NALF1: variants seen among roughly 807,000 people sequenced by gnomAD.
NALF1 encodes the protein NALCN channel auxiliary factor 1.
NALF1 carries 3 observed loss-of-function variants against 48.4 expected under a neutral mutation model. The ratio of observed to expected loss-of-function variants is 0.06; its 90% CI spans 0.03 to 0.16. The LOEUF is 0.16. Ranked by LOEUF, NALF1 falls within the 10% of genes least tolerant of loss-of-function variation. The pLI is 1.00. For missense variants in NALF1, 526 were observed against 571.5 expected (o/e 0.92, Z 0.81); for synonymous variants, 262 against 245.7 (o/e 1.07, Z -0.62).
intron 1 of NALF1, among the ~76,000 whole-genome samples, chr13:107,236,709 CTATCTATCT>C (rs1950620468): frequency 1.3e-5 from 2 of 151,412 alleles, no homozygotes; most frequent in African/African-American, 2.4e-5. Context: ...ATCTATCTAT[CTATCTATCT>C]ATCTATCTAT....
At chr13:107,400,449 T>C (rs9559036) in intron 1 of NALF1, among the ~76,000 whole-genome samples, 7 of 152,046 alleles carry the variant, frequency 4.6e-5, no homozygotes, top group East Asian at 2.0e-4. Context: ...GGCGTGATGG[T>C]TCACACCTGT....
At chr13:107,648,344 CT>C (rs1880364664) in intron 1 of NALF1, among the ~76,000 whole-genome samples, 1 of 152,162 alleles carries the variant, frequency 6.6e-6, no homozygotes, top group South Asian at 2.1e-4. Flanking sequence ...GTCAATCCCT[CT>C]TCTCCCTCCA....
intron 1 of NALF1, among the ~76,000 whole-genome samples, chr13:107,582,576 T>C (rs1336307909): frequency 1.3e-5 from 2 of 152,168 alleles, no homozygotes; most frequent in Non-Finnish European, 1.5e-5. Context: ...TGACTGGCTA[T>C]GGGGTCAGAA....
At chr13:107,470,289 A>C (rs900888175) in intron 1 of NALF1, among the ~76,000 whole-genome samples, 7 of 152,222 alleles carry the variant, frequency 4.6e-5, no homozygotes, top group Non-Finnish European at 8.8e-5. Context: ...GAAAGGATCC[A>C]AACATTCAAT....
chr13:107,480,097 C>G (rs569258308), intron 1 of NALF1, among the ~76,000 whole-genome samples: 1 of 152,138 alleles, frequency 6.6e-6, no homozygotes, highest in Non-Finnish European at 1.5e-5. Context: ...GGATCACTTA[C>G]TCATGATTTG....
chr13:107,586,838 A>G (rs552426450), intron 1 of NALF1, among the ~76,000 whole-genome samples: 2 of 152,054 alleles, frequency 1.3e-5, no homozygotes, highest in African/African-American at 4.8e-5. Context: ...TGAGCATTAA[A>G]GACAAAAAAT....
rs1426882448 is a variant in NALF1, at chr13:107,272,246, C to T, written c.916-61491G>A. Among the ~76,000 whole-genome samples, 8 of 10,880 alleles carry T rather than the reference C, an allele frequency of 7.4e-4. 4 individuals are homozygous for T. In the Admixed American group the frequency reaches 8.1e-3, roughly 11 times the overall value. 7.1% of individuals were successfully genotyped at this position (10,880 alleles called of 152,430 possible). A position where few individuals can be genotyped will look rare whatever the true frequency, so the allele number is the denominator to read the frequency against. On this transcript the variant is annotated intron_variant, in intron 1 of 2. Transcript: ENST00000375915. Reference sequence around the variant, plus strand: ...TTTTTGAGACGGAGTCTCGCTCTGTCGCCCAGGCCGGACTGCGGACTGCAG... The same window carrying T: ...TTTTTGAGACGGAGTCTCGCTCTGTTGCCCAGGCCGGACTGCGGACTGCAG...
chr13:107,519,367 A>G (rs1197253807), intron 1 of NALF1, among the ~76,000 whole-genome samples: 3 of 24,008 alleles, frequency 1.2e-4, no homozygotes, highest in Non-Finnish European at 8.1e-4. Flanking sequence ...GGAGGAGGAA[A>G]AAAAAAAAAA....
intron 1 of NALF1, among the ~76,000 whole-genome samples, chr13:107,471,062 T>C (rs1438963005): frequency 6.6e-6 from 1 of 152,208 alleles, no homozygotes; most frequent in Non-Finnish European, 1.5e-5. Flanking sequence ...GATATTGTGA[T>C]ATGAAGTCAC....
At chr13:107,528,178 A>C (rs1469219277) in intron 1 of NALF1, among the ~76,000 whole-genome samples, 5 of 152,282 alleles carry the variant, frequency 3.3e-5, no homozygotes, top group East Asian at 3.9e-4. Context: ...CATAATCTGC[A>C]TGTTGGTAAT....
chr13:107,438,850 A>AAAAAAAAAAAAAAAAAAAAAAC (rs1566342623), intron 1 of NALF1, among the ~76,000 whole-genome samples: 1 of 148,072 alleles, frequency 6.8e-6, no homozygotes, highest in Non-Finnish European at 1.5e-5. Context: ...AAAAAAAAAA[A>AAAAAAAAAAAAAAAAAAAAAAC]AGAATAATAT....
At chr13:107,577,898 C>T (rs931352052) in intron 1 of NALF1, among the ~76,000 whole-genome samples, 2 of 152,102 alleles carry the variant, frequency 1.3e-5, no homozygotes, top group Non-Finnish European at 2.9e-5. Context: ...CTTAGGCTAC[C>T]CTTTCATTGG....
intron 1 of NALF1, among the ~76,000 whole-genome samples, chr13:107,273,497 A>T (rs546885923): frequency 6.6e-6 from 1 of 152,320 alleles, no homozygotes; most frequent in Admixed American, 6.5e-5. Context: ...ACATTTTATT[A>T]ATATCATTCT....
At chr13:107,394,779 A>G (rs1038753899) in intron 1 of NALF1, among the ~76,000 whole-genome samples, 2 of 152,214 alleles carry the variant, frequency 1.3e-5, no homozygotes, top group Non-Finnish European at 2.9e-5. Context: ...GTCAAGAAAT[A>G]TATGGATCAT....
intron 1 of NALF1, among the ~76,000 whole-genome samples, chr13:107,598,874 T>TGACATAATTTTCTTCC (rs1307761158): frequency 4.6e-5 from 7 of 152,192 alleles, no homozygotes; most frequent in Non-Finnish European, 1.0e-4. Context: ...TATCATGATC[T>TGACATAATTTTCTTCC]GACATAATTT....
intron 1 of NALF1, among the ~76,000 whole-genome samples, chr13:107,467,645 C>T (rs1885026264): frequency 6.6e-6 from 1 of 152,020 alleles, no homozygotes; most frequent in Non-Finnish European, 1.5e-5. Flanking sequence ...ATTAATATTG[C>T]ATTTAGTAGG....
chr13:107,792,942 G>T lies in NALF1; in HGVS notation c.915+72740C>A, dbSNP rs542642830. Among the ~76,000 whole-genome samples, 6 of 152,168 alleles carry T rather than the reference G, an allele frequency of 3.9e-5. No homozygotes were observed. In the South Asian group the frequency reaches 1.2e-3, roughly 32 times the overall value. On this transcript the variant is annotated intron_variant, in intron 1 of 2. Coordinates refer to ENST00000375915, the MANE Select transcript of NALF1 (RefSeq NM_001080396.3). Reference sequence around the variant, plus strand: ...CCCGCCTTGGCCTCCCAAAGCACTAGGATTACAGGCGTGAACCACTGAGCC... The same window carrying T: ...CCCGCCTTGGCCTCCCAAAGCACTATGATTACAGGCGTGAACCACTGAGCC...
chr13:107,769,434 A>G (rs10161724), intron 1 of NALF1, among the ~76,000 whole-genome samples: 138,583 of 139,732 alleles, frequency 0.99, 68,733 homozygotes, highest in Non-Finnish European at 1. Context: ...GTAAACTATC[A>G]CAAGAACAAA....
At chr13:107,175,734 C>G (rs1398234388) in intron 2 of NALF1, among the ~76,000 whole-genome samples, 1 of 152,090 alleles carries the variant, frequency 6.6e-6, no homozygotes, top group Non-Finnish European at 1.5e-5. Context: ...TCAATGACAC[C>G]CTTGGGACCT....
Sources: allele counts gnomAD v4.1 joint callset (sites outside exome capture counted in the v4.1 genomes callset), GRCh38; gene constraint gnomAD v4.1.1; transcripts MANE v1.5; gene names NCBI Gene and HGNC (gene_info 2026-07-23, HGNC 2026-07-21).